Variants in MFN2 observed in about 807,000 individuals in gnomAD.
The protein encoded by MFN2 is mitofusin 2, also known as mitofusin-2.
A neutral mutation model predicts 87.5 loss-of-function variants in MFN2; 43 were observed. The ratio of observed to expected loss-of-function variants is 0.49; its 90% CI spans 0.38 to 0.63. The LOEUF is 0.63. MFN2 is among the 30% of genes least tolerant of loss of function. MFN2 has a pLI of 0.00. For missense variants in MFN2, 743 were observed against 972.8 expected (o/e 0.76, Z 3.14); for synonymous variants, 337 against 359.9 (o/e 0.94, Z 0.72).
At position 12,002,089 on chromosome 1, in the gene MFN2, G is replaced by C. The variant is rs752630853; in HGVS notation, c.1146G>C (p.Ala382=). ...TCATCATGGACTCCCTGCACATGGC[G>C]GCTCGGGAGCAGCAGTAAGAGTCCA... ...VRLIMDSLHM[A]AREQQVYCEE... is the part of the protein sequence containing the mutation. The change falls in exon 11 of 19, where the codon GCG becomes GCC. Residue 382 remains alanine, a synonymous_variant. Transcript: ENST00000235329. 2.5e-6 allele frequency: 4 copies of C among 1,614,120 alleles called. No homozygotes were observed. Among genetic ancestry groups the C allele is most frequent in the Admixed American group, 3.3e-5 (2 of 60,012 alleles).
In MFN2 at chr1:11,985,812, C is replaced by T. The variant is rs1638376332; in HGVS notation, c.-4-3353C>T. 3.3e-5 allele frequency among the ~76,000 whole-genome samples: 5 copies of T among 152,228 alleles called. No individual in the cohort carries two copies. The South Asian group carries it at 1.0e-3, about 32-fold the overall frequency. ...CTTTTGGATGGCTTTCCTCTTGTGCCTGCCACATCCCCTCTTTCTCGAACA... is the reference window on the plus strand; with the variant it reads ...CTTTTGGATGGCTTTCCTCTTGTGCTTGCCACATCCCCTCTTTCTCGAACA... On this transcript the variant is annotated intron_variant, in intron 2 of 18. Coordinates refer to ENST00000235329, the MANE Select transcript of MFN2 (RefSeq NM_014874.4).
At chr1:11,992,967 C>T (rs199542156) in intron 4 of MFN2, among the ~76,000 whole-genome samples, 1 of 143,992 alleles carries the variant, frequency 6.9e-6, no homozygotes, top group Admixed American at 6.9e-5. Context: ...TCAAGCCTGA[C>T]TTTTTTTTTT....
chr1:11,988,096 G>GTGTGTA (rs1638505215), intron 2 of MFN2, among the ~76,000 whole-genome samples: 1 of 151,736 alleles, frequency 6.6e-6, no homozygotes, highest in Non-Finnish European at 1.5e-5. Flanking sequence ...GTGTGTGTGT[G>GTGTGTA]TGTGTGTGTG....
At chr1:12,011,422 A>G in intron 18 of MFN2, 74 bp from the exon 19 acceptor site, 3 of 1,468,804 alleles carry the variant, frequency 2.0e-6, no homozygotes, top group Non-Finnish European at 2.9e-6. Flanking sequence ...CGTCCTTAGG[A>G]TGGTGCCTGG....
intron 18 of MFN2, among the ~76,000 whole-genome samples, chr1:12,011,250 A>C (rs1246909157): frequency 6.6e-6 from 1 of 152,200 alleles, no homozygotes; most frequent in Non-Finnish European, 1.5e-5. Flanking sequence ...TGGGTGAAGG[A>C]AACACAGGGC....
rs369830544 is a variant in MFN2 at position 12,007,008 on chromosome 1, G to C, written c.1873-45G>C. ...GTAGTGATGGGCCCCAGAGGAGGGT[G>C]GGCCACAGAGAGGCTGCACTCCAGG... On this transcript the variant is annotated intron_variant, in intron 16 of 18. Transcript: ENST00000235329. The C allele has an allele frequency of 4.3e-6, 7 of 1,609,442 alleles. No individual in the cohort carries two copies. In the African/African-American group the frequency reaches 9.4e-5, roughly 22 times the overall value.
chr1:12,001,944 G>C (rs1029659155), intron 10 of MFN2, 38 bp from the exon 11 acceptor site: 9 of 1,614,146 alleles, frequency 5.6e-6, no homozygotes, highest in Non-Finnish European at 7.6e-6. Context: ...TAGGCCCCTG[G>C]TGGCCCCCAC....
chr1:12,006,619 A>T lies in MFN2; in HGVS notation c.1798A>T (p.Met600Leu). Residue 600 changes from methionine to leucine, a missense_variant, in exon 16 of 19, where the codon ATG (methionine) becomes TTG (leucine). By Grantham distance (15) the Met-to-Leu change is conservative (BLOSUM62 2). Transcript: ENST00000235329. Reference sequence around the variant, plus strand: ...GGGCTCGCTCACCCAGGAGGAGTTCATGGTTTCCATGGTTACCGGCCTGGC... The same window carrying T: ...GGGCTCGCTCACCCAGGAGGAGTTCTTGGTTTCCATGGTTACCGGCCTGGC... The part of the protein sequence containing the change: ...PQGSLTQEEF[M>L]VSMVTGLASL... 6.2e-7 allele frequency: 1 copy of T among 1,613,914 alleles called. No homozygotes were observed. The highest frequency in any genetic ancestry group is 8.5e-7 in the Non-Finnish European group (1 of 1,179,942).
chr1:12,001,295 C>T, intron 8 of MFN2, 106 bp from the exon 9 acceptor site: 1 of 1,483,788 alleles, frequency 6.7e-7, no homozygotes, highest in Non-Finnish European at 9.1e-7. Context: ...TTACAGGCGT[C>T]AGCCACCATG....
At chr1:11,989,937 C>T (rs1025811363) in intron 3 of MFN2, among the ~76,000 whole-genome samples, 1 of 152,250 alleles carries the variant, frequency 6.6e-6, no homozygotes, top group African/African-American at 2.4e-5. Flanking sequence ...TGAGTGTCAA[C>T]TCCAGCACTG....
intron 17 of MFN2, 142 bp from the exon 18 acceptor site, chr1:12,009,450 C>T: frequency 8.5e-7 from 1 of 1,171,812 alleles, no homozygotes; most frequent in Admixed American, 1.7e-5. Flanking sequence ...GTAGGAGATT[C>T]TGCCAAACCA....
rs369338141 is a variant in MFN2 at position 12,007,049 on chromosome 1, G to A, written c.1873-4G>A. ...GCACTCCAGGCTGACCATGTGCTCT[G>A]CAGGTGTGGAAGGCAGTGGGCTGGC... On this transcript the variant is annotated splice_polypyrimidine_tract_variant and splice_region_variant and intron_variant, in intron 16 of 18. Coordinates refer to ENST00000235329, the MANE Select transcript of MFN2 (RefSeq NM_014874.4). 6.2e-7 allele frequency: 1 copy of A among 1,613,356 alleles called. No homozygotes were observed.
chr1:12,012,461 G>C lies in MFN2; in HGVS notation c.*896G>C, dbSNP rs3088064. ...GTTGGTGGCTGGCTGAGGTGCATGG[G>C]CCCCACACAGGACAGCTGGAGAATG... On this transcript the variant is annotated 3_prime_UTR_variant, in exon 19 of 19. Coordinates refer to ENST00000235329, the MANE Select transcript of MFN2 (RefSeq NM_014874.4). 0.55 allele frequency: 84,459 copies of C among 152,252 alleles called. 24,010 individuals are homozygous for C. Among genetic ancestry groups the C allele is most frequent in the South Asian group, 0.63 (3,019 of 4,816 alleles). The allele number at this position is 152,252 out of a possible 1,614,324, so 9.4% of individuals were successfully genotyped here. A position where few individuals can be genotyped will look rare whatever the true frequency, so the allele number is the denominator to read the frequency against.
rs748484795 is a variant in MFN2, at chr1:11,992,887, C to T, written c.311+197C>T. ...CCAGGCTGGAAGCTCATTACAGCCT[C>T]GACCTCCCTGGGCTCAGGTGATCCT... On this transcript the variant is annotated intron_variant, in intron 4 of 18. Coordinates refer to ENST00000235329, the MANE Select transcript of MFN2 (RefSeq NM_014874.4). Among the ~76,000 whole-genome samples the T allele has an allele frequency of 4.0e-5, 6 of 151,362 alleles. No individual in the cohort carries two copies. The South Asian group carries it at 8.4e-4, about 21-fold the overall frequency.
rs35314016 is a variant in MFN2 at position 11,991,923 on chromosome 1, CAAAAAAAA to C, written c.176-610_176-603del. On this transcript the variant is annotated intron_variant, in intron 3 of 18. Transcript: ENST00000235329. ...TGGGCGACAGAGCGAGACTCCGTCT[CAAAAAAAA>C]AAAAAAAAAAAAAAAAAAAAAGAAG... Among the ~76,000 whole-genome samples, 87 of 16,730 alleles carry C rather than the reference CAAAAAAAA, an allele frequency of 5.2e-3. 1 individual carries two copies. The highest frequency in any genetic ancestry group is 0.015 in the African/African-American group (79 of 5,398). The allele number at this position is 16,730 out of a possible 152,430, so 11.0% of individuals were successfully genotyped here.
intron 3 of MFN2, 147 bp from the exon 4 acceptor site, chr1:11,992,408 G>A (rs1249501785): frequency 2.0e-6 from 2 of 988,000 alleles, no homozygotes; most frequent in Non-Finnish European, 3.2e-6. Context: ...GGCCACCATA[G>A]AGGATCTGGA....
chr1:12,010,446 G>A (rs920179601), intron 18 of MFN2, among the ~76,000 whole-genome samples: 1 of 152,166 alleles, frequency 6.6e-6, no homozygotes, highest in Non-Finnish European at 1.5e-5. Context: ...GGGAGCCCAG[G>A]TGTACTTGGC....
rs759794146 is a variant in MFN2, at chr1:11,989,369, C to T, written c.175+26C>T. 5.0e-6 allele frequency: 8 copies of T among 1,611,438 alleles called. No individual in the cohort carries two copies. In the Admixed American group the frequency reaches 1.3e-4, roughly 27 times the overall value. On this transcript the variant is annotated intron_variant, in intron 3 of 18. Transcript: ENST00000235329. ...GTAAGGGGGCACCGGCTCAGCCAGGCCCGCTCTTACCTGTTTAGATATTTA... is the reference window on the plus strand; with the variant it reads ...GTAAGGGGGCACCGGCTCAGCCAGGTCCGCTCTTACCTGTTTAGATATTTA...
chr1:11,985,942 G>A (rs995093170), intron 2 of MFN2, among the ~76,000 whole-genome samples: 1 of 152,156 alleles, frequency 6.6e-6, no homozygotes, highest in African/African-American at 2.4e-5. Context: ...TCTCAGAGCT[G>A]TACTGTCTTT....
Sources: allele counts gnomAD v4.1 joint callset (sites outside exome capture counted in the v4.1 genomes callset), GRCh38; gene constraint gnomAD v4.1.1; transcripts MANE v1.5; gene names NCBI Gene and HGNC (gene_info 2026-07-23, HGNC 2026-07-21).